MOXD1: variants seen among roughly 807,000 people sequenced by gnomAD.
The protein encoded by MOXD1 is DBH-like monooxygenase protein 1.
MOXD1 carries 62 observed loss-of-function variants against 66.6 expected under a neutral mutation model. The ratio of observed to expected loss-of-function variants is 0.93; its 90% CI spans 0.76 to 1.15. The LOEUF (loss-of-function observed/expected upper bound fraction) is 1.15, where lower values mean the gene tolerates loss of function less well. Among genes scored for constraint, MOXD1 ranks in the 50% most tolerant of loss-of-function variants. The probability of loss-of-function intolerance (pLI) is 0.00; values close to 1 mark genes in which losing one functional copy is unlikely to be tolerated. For missense variants in MOXD1, 847 were observed against 754.6 expected (o/e 1.12, Z -1.44); for synonymous variants, 303 against 281.9 (o/e 1.07, Z -0.75).
At chr6:132,311,847 G>A (rs571936346) in intron 10 of MOXD1, among the ~76,000 whole-genome samples, 1 of 152,042 alleles carries the variant, frequency 6.6e-6, no homozygotes, top group East Asian at 1.9e-4. Flanking sequence ...GGTTGCTTTT[G>A]CCTTCTTTAT....
intron 1 of MOXD1, among the ~76,000 whole-genome samples, chr6:132,386,438 A>AAAAC (rs1562300092): frequency 1.5e-5 from 2 of 132,584 alleles, no homozygotes; most frequent in Non-Finnish European, 3.0e-5. Flanking sequence ...CAAAACAAAA[A>AAAAC]AAAAAAACAA....
chr6:132,306,901 C>CA (rs1774705348), intron 10 of MOXD1, among the ~76,000 whole-genome samples: 1 of 152,156 alleles, frequency 6.6e-6, no homozygotes, highest in Non-Finnish European at 1.5e-5. Context: ...CCAGCCACTG[C>CA]AAAAACATAC....
At chr6:132,374,096 C>T (rs899835532) in intron 2 of MOXD1, among the ~76,000 whole-genome samples, 3 of 152,082 alleles carry the variant, frequency 2.0e-5, no homozygotes, top group African/African-American at 7.2e-5. Context: ...TACATATCTT[C>T]TAAATATTTA....
At chr6:132,348,822 A>C (rs1201632587) in intron 4 of MOXD1, among the ~76,000 whole-genome samples, 2 of 152,110 alleles carry the variant, frequency 1.3e-5, no homozygotes, top group Non-Finnish European at 1.5e-5. Context: ...GGTTCCAAAA[A>C]AGACTGCATT....
intron 1 of MOXD1, among the ~76,000 whole-genome samples, chr6:132,397,693 A>AGAAAGAAAG (rs1554239259): frequency 8.2e-6 from 1 of 121,692 alleles, no homozygotes; most frequent in Non-Finnish European, 1.9e-5. Context: ...AAAGAAAGAA[A>AGAAAGAAAG]GAAAGAAAAA....
rs886267309 is a variant in MOXD1, at chr6:132,340,446, T to C, written c.664-11852A>G. Among the ~76,000 whole-genome samples, 842 of 137,074 alleles carry C rather than the reference T, an allele frequency of 6.1e-3. 8 individuals are homozygous for C. Among genetic ancestry groups the C allele is most frequent in the African/African-American group, 0.02 (787 of 39,172 alleles). 89.9% of individuals were successfully genotyped at this position (137,074 alleles called of 152,430 possible). A position where few individuals can be genotyped will look rare whatever the true frequency, so the allele number is the denominator to read the frequency against. ...CTGGCAGCAAGCAACACTTTCTTTT[T>C]TTTTTTTTTTTTTTTTCTAAATGGG... On this transcript the variant is annotated intron_variant, in intron 4 of 11. Coordinates refer to ENST00000367963, the MANE Select transcript of MOXD1 (RefSeq NM_015529.4).
intron 4 of MOXD1, among the ~76,000 whole-genome samples, chr6:132,347,074 G>A (rs1775683032): frequency 6.6e-6 from 1 of 152,124 alleles, no homozygotes; most frequent in Non-Finnish European, 1.5e-5. Context: ...ATGTACCAAG[G>A]ACATTACACA....
intron 4 of MOXD1, among the ~76,000 whole-genome samples, chr6:132,340,845 A>G (rs1348013335): frequency 6.6e-6 from 1 of 151,838 alleles, no homozygotes; most frequent in Admixed American, 6.6e-5. Flanking sequence ...ACGGGGTTTC[A>G]TCGTGTTAGC....
intron 10 of MOXD1, among the ~76,000 whole-genome samples, chr6:132,304,825 A>G (rs1341017356): frequency 1.3e-5 from 2 of 152,242 alleles, no homozygotes; most frequent in Non-Finnish European, 2.9e-5. Flanking sequence ...TAAAATGGAT[A>G]AAATGCAAAA....
chr6:132,305,902 G>A (rs1022330427), intron 10 of MOXD1, among the ~76,000 whole-genome samples: 6 of 152,118 alleles, frequency 3.9e-5, no homozygotes, highest in Non-Finnish European at 7.4e-5. Flanking sequence ...TCATGAAGAT[G>A]AGAAAGAATC....
chr6:132,384,789 G>A (rs1776592567), intron 1 of MOXD1, among the ~76,000 whole-genome samples: 1 of 152,210 alleles, frequency 6.6e-6, no homozygotes, highest in Admixed American at 6.5e-5. Context: ...GGTCCCTGAG[G>A]TCAGCAGAGA....
At chr6:132,380,096 A>G (rs1018455265) in intron 1 of MOXD1, among the ~76,000 whole-genome samples, 1 of 152,124 alleles carries the variant, frequency 6.6e-6, no homozygotes, top group African/African-American at 2.4e-5. Flanking sequence ...ATCTCCACAC[A>G]TAGCCCCTGC....
intron 4 of MOXD1, among the ~76,000 whole-genome samples, chr6:132,365,857 T>G (rs1282318142): frequency 6.6e-6 from 1 of 152,168 alleles, no homozygotes; most frequent in East Asian, 1.9e-4. Context: ...CAACTTTTTT[T>G]CTGTACAAAG....
At chr6:132,312,598 C>CTTT (rs10710763) in intron 10 of MOXD1, among the ~76,000 whole-genome samples, 4 of 146,552 alleles carry the variant, frequency 2.7e-5, no homozygotes, top group Non-Finnish European at 4.5e-5. Flanking sequence ...GGGTTTTGTC[C>CTTT]TTTTTTTTTT....
At chr6:132,328,640 C>G (rs749279787) in intron 4 of MOXD1, 46 bp from the exon 5 acceptor site, 42 of 1,540,614 alleles carry the variant, frequency 2.7e-5, no homozygotes, top group Non-Finnish European at 3.6e-5. Context: ...ATAAGACCAC[C>G]CTACAACATC....
intron 1 of MOXD1, among the ~76,000 whole-genome samples, chr6:132,395,235 C>T (rs531857463): frequency 6.6e-6 from 1 of 152,280 alleles, no homozygotes; most frequent in Admixed American, 6.5e-5. Flanking sequence ...GAAATGAAGT[C>T]TTTCCCAGAC....
chr6:132,361,990 C>T (rs1485872598), intron 4 of MOXD1, among the ~76,000 whole-genome samples: 1 of 152,034 alleles, frequency 6.6e-6, no homozygotes, highest in Admixed American at 6.6e-5. Flanking sequence ...AAATATCTCA[C>T]TTATCAAAAG....
chr6:132,310,851 T>TG (rs943443644), intron 10 of MOXD1, among the ~76,000 whole-genome samples: 1 of 151,892 alleles, frequency 6.6e-6, no homozygotes, highest in African/African-American at 2.4e-5. Context: ...TGTTGGGGGA[T>TG]GGGGGGTGAA....
At chr6:132,347,026 CT>C (rs1362652726) in intron 4 of MOXD1, among the ~76,000 whole-genome samples, 1 of 152,096 alleles carries the variant, frequency 6.6e-6, no homozygotes, top group African/African-American at 2.4e-5. Flanking sequence ...AAAAAAGGTG[CT>C]AATATACAAT....
Sources: allele counts gnomAD v4.1 joint callset (sites outside exome capture counted in the v4.1 genomes callset), GRCh38; gene constraint gnomAD v4.1.1; transcripts MANE v1.5; gene names NCBI Gene and HGNC (gene_info 2026-07-23, HGNC 2026-07-21).